The following KCNQ1 variants were observed in gnomAD, a reference collection of about 807,000 sequenced individuals.
KCNQ1 encodes the protein potassium voltage-gated channel subfamily Q member 1.
Under a neutral mutation model 72.4 loss-of-function variants are expected in KCNQ1, and 49 were observed. The observed-to-expected ratio is 0.68, with a 90% CI of 0.54 to 0.86. The LOEUF (loss-of-function observed/expected upper bound fraction) is 0.86, where lower values mean the gene tolerates loss of function less well. Among genes scored for constraint, KCNQ1 ranks in the 40% least tolerant of loss-of-function variants. KCNQ1 has a pLI of 0.00. For synonymous variants in KCNQ1, 450 were observed against 412.6 expected (o/e 1.09, Z -1.10); for missense variants, 790 against 945.1 (o/e 0.84, Z 2.15).
chr11:2,456,685 G>A (rs1846194472), intron 1 of KCNQ1, among the ~76,000 whole-genome samples: 1 of 149,840 alleles, frequency 6.7e-6, no homozygotes, highest in Non-Finnish European at 1.5e-5. Flanking sequence ...ACGTTGGGAG[G>A]CCAAGGTGGG....
chr11:2,666,269 C>G, intron 11 of KCNQ1: 1 of 398,676 alleles, frequency 2.5e-6, no homozygotes, highest in Non-Finnish European at 4.4e-6. Flanking sequence ...ACCCCCGAGG[C>G]TGGGCAGAGG....
intron 1 of KCNQ1, among the ~76,000 whole-genome samples, chr11:2,474,384 G>C (rs1223458405): frequency 2.0e-5 from 3 of 152,188 alleles, no homozygotes; most frequent in Non-Finnish European, 4.4e-5. Flanking sequence ...ATGTGCCGGT[G>C]TCCAGGCTGC....
chr11:2,835,945 G>A (rs913612412), intron 15 of KCNQ1, among the ~76,000 whole-genome samples: 2 of 152,074 alleles, frequency 1.3e-5, no homozygotes, highest in Non-Finnish European at 2.9e-5. Context: ...CAGGGTGATC[G>A]GGCCCGGTCA....
intron 10 of KCNQ1, chr11:2,625,345 C>T (rs1434209209): frequency 1.0e-5 from 4 of 398,444 alleles, no homozygotes; most frequent in African/African-American, 8.2e-5. Flanking sequence ...CAACCTAGAC[C>T]TCTGGGCTTA....
intron 15 of KCNQ1, among the ~76,000 whole-genome samples, chr11:2,846,057 G>A (rs989637249): frequency 2.6e-5 from 4 of 152,152 alleles, no homozygotes; most frequent in Non-Finnish European, 5.9e-5. Flanking sequence ...CTTCCCTGGG[G>A]TTGTCTCACC....
Position 2,817,449 on chromosome 11 carries a change from G to A in KCNQ1, c.1795-30318G>A, listed in dbSNP as rs144226649. On this transcript the variant is annotated intron_variant, in intron 15 of 15. Coordinates refer to ENST00000155840, the MANE Select transcript of KCNQ1 (RefSeq NM_000218.3). This position sits in a 1 kb window ranked among gnomAD's most constrained non-coding sequence, Gnocchi z 6.1. ...CCTTAGGATGAAGCTGACCCCAGTC[G>A]TGGCAGCCACCCCAGCAGTCAGGGA... is the stretch of plus-strand genomic sequence containing the variant. Among the ~76,000 whole-genome samples, 564 of 152,224 alleles carry A rather than the reference G, an allele frequency of 3.7e-3. 3 individuals are homozygous for A. Among genetic ancestry groups the A allele is most frequent in the African/African-American group, 0.013 (524 of 41,522 alleles).
chr11:2,619,356 C>T, intron 10 of KCNQ1: 2 of 398,448 alleles, frequency 5.0e-6, no homozygotes, highest in Non-Finnish European at 8.8e-6. Flanking sequence ...TCCTTCTATA[C>T]CTGAACTGTT....
chr11:2,763,095 A>G (rs904670858), intron 11 of KCNQ1, among the ~76,000 whole-genome samples: 5 of 152,238 alleles, frequency 3.3e-5, no homozygotes, highest in Admixed American at 2.0e-4. Flanking sequence ...GCACTGTGAT[A>G]TTGATTGGAA....
chr11:2,756,783 G>A (rs1190898518), intron 11 of KCNQ1, among the ~76,000 whole-genome samples: 1 of 151,654 alleles, frequency 6.6e-6, no homozygotes, highest in Non-Finnish European at 1.5e-5. Context: ...ACGAGTCCTT[G>A]GGAGCTTTCT....
intron 1 of KCNQ1, among the ~76,000 whole-genome samples, chr11:2,459,027 A>C (rs1846236575): frequency 6.6e-6 from 1 of 152,092 alleles, no homozygotes; most frequent in Admixed American, 6.5e-5. Flanking sequence ...TCCCGTGCCC[A>C]GTTGGGAGGC....
intron 1 of KCNQ1, among the ~76,000 whole-genome samples, chr11:2,460,199 C>T (rs1031782491): frequency 4.6e-5 from 7 of 152,148 alleles, no homozygotes; most frequent in Non-Finnish European, 4.4e-5. Flanking sequence ...GGCAGGACTC[C>T]GGGGCAGGGT....
At position 2,595,314 on chromosome 11, in the gene KCNQ1, A is replaced by G. The variant is rs985969824; in HGVS notation, c.1393+6460A>G. Among the ~76,000 whole-genome samples, 1 of 152,212 alleles carries G rather than the reference A, an allele frequency of 6.6e-6. No homozygotes were observed. Among genetic ancestry groups the G allele is most frequent in the Non-Finnish European group, 1.5e-5 (1 of 68,034 alleles). ...ATACAAGATTAATATGCAAAAATCA[A>G]TTCCATTCATATATTCTTGCAGCAA... On this transcript the variant is annotated intron_variant, in intron 10 of 15. Coordinates refer to ENST00000155840, the MANE Select transcript of KCNQ1 (RefSeq NM_000218.3). This position sits in a 1 kb window ranked among gnomAD's most constrained non-coding sequence, Gnocchi z 5.0.
rs1847266215 is a variant in KCNQ1, at chr11:2,515,051, A to C, written c.387-12877A>C. On this transcript the variant is annotated intron_variant, in intron 1 of 15. Coordinates refer to ENST00000155840, the MANE Select transcript of KCNQ1 (RefSeq NM_000218.3). This position sits in a 1 kb window ranked among gnomAD's most constrained non-coding sequence, Gnocchi z 4.7. ...GTTTTTTTATGTTATTTTATTTTAGATTTGAGGAGTACACATACTTGTCTG... is the reference window on the plus strand; with the variant it reads ...GTTTTTTTATGTTATTTTATTTTAGCTTTGAGGAGTACACATACTTGTCTG... Among the ~76,000 whole-genome samples the C allele has an allele frequency of 6.6e-6, 1 of 151,786 alleles. No individual in the cohort carries two copies. Among genetic ancestry groups the C allele is most frequent in the Non-Finnish European group, 1.5e-5 (1 of 67,948 alleles).
At position 2,515,836 on chromosome 11, in the gene KCNQ1, C is replaced by T. The variant is rs1847279341; in HGVS notation, c.387-12092C>T. Among the ~76,000 whole-genome samples, 2 of 152,030 alleles carry T rather than the reference C, an allele frequency of 1.3e-5. No homozygotes were observed. The highest frequency in any genetic ancestry group is 4.2e-4 in the South Asian group (2 of 4,818). On this transcript the variant is annotated intron_variant, in intron 1 of 15. Coordinates refer to ENST00000155840, the MANE Select transcript of KCNQ1 (RefSeq NM_000218.3). The surrounding 1 kb of genome is among the most constrained non-coding windows in gnomAD (Gnocchi z 4.7). Reference sequence around the variant, plus strand: ...AGCCCTCGGCCCTGGGGGGCTTGTGCTCTGCCGGGCCACCTGCACCCTCCG... The same window carrying T: ...AGCCCTCGGCCCTGGGGGGCTTGTGTTCTGCCGGGCCACCTGCACCCTCCG...
chr11:2,461,736 A>G, intron 1 of KCNQ1: 1 of 1,365,630 alleles, frequency 7.3e-7, no homozygotes, highest in Non-Finnish European at 9.8e-7. Flanking sequence ...GGGGGTGGAC[A>G]GATAGGCAGA....
In KCNQ1 at chr11:2,667,548, A is replaced by G. The variant is rs1850100728; in HGVS notation, c.1514+5467A>G. The G allele has an allele frequency of 4.5e-5, 6 of 133,770 alleles. No individual in the cohort carries two copies. The Admixed American group carries it at 5.7e-4, about 13-fold the overall frequency. The allele number at this position is 133,770 out of a possible 1,614,324, so 8.3% of individuals were successfully genotyped here. On this transcript the variant is annotated intron_variant, in intron 11 of 15. Coordinates refer to ENST00000155840, the MANE Select transcript of KCNQ1 (RefSeq NM_000218.3). ...ACTTCACAACTGCACTGATATTGTC[A>G]TGGAGACACTTCTGGCAGTTGGGGC...
chr11:2,485,020 A>C (rs1846718025), intron 1 of KCNQ1, among the ~76,000 whole-genome samples: 2 of 152,192 alleles, frequency 1.3e-5, no homozygotes, highest in South Asian at 4.1e-4. Context: ...CTGACCACCC[A>C]GAGCCTGGCG....
At chr11:2,583,368 GT>G in intron 6 of KCNQ1, 66 bp from the exon 7 acceptor site, 1 of 1,109,780 alleles carries the variant, frequency 9.0e-7, no homozygotes, top group Non-Finnish European at 1.4e-6. Flanking sequence ...GTGGGTTTGG[GT>G]TAGGCAGTTG....
intron 1 of KCNQ1, among the ~76,000 whole-genome samples, chr11:2,520,052 C>T (rs7110139): frequency 0.51 from 77,335 of 152,210 alleles, 20,505 homozygotes; most frequent in Non-Finnish European, 0.6. Flanking sequence ...CGCCCCCACC[C>T]CCCAGGATGA....
Sources: allele counts gnomAD v4.1 joint callset (sites outside exome capture counted in the v4.1 genomes callset), GRCh38; gene constraint gnomAD v4.1.1; non-coding constraint Gnocchi (gnomAD v3.1); transcripts MANE v1.5; gene names NCBI Gene and HGNC (gene_info 2026-07-23, HGNC 2026-07-21).